The following TSFM variants were observed in gnomAD, a reference collection of about 807,000 sequenced individuals.
The protein encoded by TSFM is elongation factor Ts, mitochondrial.
Under a neutral mutation model 33.4 loss-of-function variants are expected in TSFM, and 29 were observed. The observed-to-expected ratio is 0.87, with a 90% CI of 0.65 to 1.18. The LOEUF (loss-of-function observed/expected upper bound fraction) is 1.18, where lower values mean the gene tolerates loss of function less well. TSFM is among the 50% of genes most tolerant of loss of function. The pLI is 0.00. For synonymous variants in TSFM, 178 were observed against 163.5 expected (o/e 1.09, Z -0.68); for missense variants, 394 against 395.6 (o/e 1.00, Z 0.04).
intron 5 of TSFM, among the ~76,000 whole-genome samples, chr12:57,794,291 CTT>C (rs1955701778): frequency 6.6e-6 from 1 of 152,140 alleles, no homozygotes; most frequent in African/African-American, 2.4e-5. Flanking sequence ...TTTTTCATGA[CTT>C]TTAGATATGA....
chr12:57,782,845 C>A lies in TSFM; in HGVS notation c.44C>A (p.Thr15Asn). The change falls in exon 1 of 6, where the codon ACC becomes AAC. Residue 15 changes from threonine to asparagine, a missense_variant. Transcript: ENST00000652027. ...CTGCGCGTGTTTCTGGTCGCGCGGA[C>A]CGGGAGCTACCCGGTGAGAAGTCCT... ...RSLRVFLVARTGSYPAGSLLR... is the reference protein window; with the variant it reads ...RSLRVFLVARNGSYPAGSLLR... The A allele has an allele frequency of 6.3e-7, 1 of 1,594,678 alleles. No individual in the cohort carries two copies. The highest frequency in any genetic ancestry group is 1.1e-5 in the South Asian group (1 of 87,828).
At chr12:57,788,819 G>A (rs1401962010) in intron 4 of TSFM, among the ~76,000 whole-genome samples, 2 of 151,926 alleles carry the variant, frequency 1.3e-5, no homozygotes, top group East Asian at 3.9e-4. Context: ...GTTTTTTGTA[G>A]AGACAGTCTT....
At chr12:57,792,426 A>T (rs1435877989) in intron 4 of TSFM, among the ~76,000 whole-genome samples, 1 of 152,146 alleles carries the variant, frequency 6.6e-6, no homozygotes, top group Non-Finnish European at 1.5e-5. Context: ...ATTTCTAGGA[A>T]ATTACATTCT....
At chr12:57,799,713 T>C, downstream of TSFM, 9 of 1,576,134 alleles carry the variant, frequency 5.7e-6, no homozygotes, top group South Asian at 5.6e-5. Context: ...GTGCCGGAGC[T>C]GTCCTAGGCC....
chr12:57,796,054 T>C, intron 5 of TSFM, 123 bp from the exon 6 acceptor site: 2 of 831,634 alleles, frequency 2.4e-6, no homozygotes, highest in Non-Finnish European at 3.7e-6. Flanking sequence ...TTCATCTTAC[T>C]GCATATCCTA....
At chr12:57,783,378 C>A in intron 2 of TSFM, 95 bp downstream of exon 2, 3 of 1,439,374 alleles carry the variant, frequency 2.1e-6, no homozygotes, top group South Asian at 1.2e-5. Flanking sequence ...GACTGCTCTT[C>A]AGTGACCATA....
At chr12:57,798,976 G>T (rs2140433644), downstream of TSFM, among the ~76,000 whole-genome samples, 1 of 152,274 alleles carries the variant, frequency 6.6e-6, no homozygotes, top group Middle Eastern at 3.4e-3. Context: ...AAGAATACTT[G>T]CTATCTGCTA....
Position 57,796,303 on chromosome 12 carries a change from A to C in TSFM, c.698A>C (p.Lys233Thr). Residue 233 changes from lysine to threonine, a missense_variant, in exon 6 of 6, where the codon AAG (lysine) becomes ACG (threonine). Transcript: ENST00000652027. ...TCACTTCACAAGCTGGTGCTGGGGA[A>C]GTATGGGGCCCTGGTCATCTGTGAG... ...SPSLHKLVLG[K>T]YGALVICETS... 6.2e-7 allele frequency: 1 copy of C among 1,612,310 alleles called. No individual in the cohort carries two copies. Among genetic ancestry groups the C allele is most frequent in the Non-Finnish European group, 8.5e-7 (1 of 1,179,130 alleles).
downstream of TSFM, among the ~76,000 whole-genome samples, chr12:57,801,783 G>C (rs1470204925): frequency 6.6e-6 from 1 of 152,034 alleles, no homozygotes; most frequent in Non-Finnish European, 1.5e-5. Context: ...AGGAAACCTG[G>C]CTTTCTGTTG....
At position 57,797,120 on chromosome 12, in the gene TSFM, C is replaced by A; in HGVS notation, c.*537C>A. On this transcript the variant is annotated 3_prime_UTR_variant, in exon 6 of 6. Transcript: ENST00000652027. Reference sequence around the variant, plus strand: ...CAGTGGTAGACACACTGGTTCTGGCCTCATTTAATGAAATTAATAACACAT... The same window carrying A: ...CAGTGGTAGACACACTGGTTCTGGCATCATTTAATGAAATTAATAACACAT... 1 of 985,410 alleles carries A rather than the reference C, an allele frequency of 1.0e-6. No individual in the cohort carries two copies. Among genetic ancestry groups the A allele is most frequent in the Non-Finnish European group, 1.2e-6 (1 of 829,942 alleles). 61.0% of individuals were successfully genotyped at this position (985,410 alleles called of 1,614,324 possible).
intron 2 of TSFM, chr12:57,784,122 G>A (rs1427745965): frequency 1.0e-5 from 7 of 702,378 alleles, no homozygotes; most frequent in Admixed American, 4.0e-5. Context: ...GCTACAAACC[G>A]TTACAAAATG....
At chr12:57,796,108 G>A in intron 5 of TSFM, 69 bp from the exon 6 acceptor site, 2 of 1,420,878 alleles carry the variant, frequency 1.4e-6, no homozygotes, top group Non-Finnish European at 1.9e-6. Flanking sequence ...CCTCTTCTGT[G>A]CATATTTTGG....
rs371407482 is a variant in TSFM at position 57,785,003 on chromosome 12, T to C, written c.232-1160T>C. 4.2e-3 allele frequency among the ~76,000 whole-genome samples: 555 copies of C among 132,848 alleles called. 16 individuals carry two copies. The South Asian group carries it at 0.077, about 18-fold the overall frequency. 87.2% of individuals were successfully genotyped at this position (132,848 alleles called of 152,430 possible). On this transcript the variant is annotated intron_variant, in intron 2 of 5. Transcript: ENST00000652027. Reference sequence around the variant, plus strand: ...CTGCAGTGGCACAATCTTGGCTCACTGCAAGCTCCACCTCCCAGGTTCACA... The same window carrying C: ...CTGCAGTGGCACAATCTTGGCTCACCGCAAGCTCCACCTCCCAGGTTCACA...
chr12:57,798,620 CTT>C (rs1337769787), downstream of TSFM, among the ~76,000 whole-genome samples: 13 of 140,582 alleles, frequency 9.2e-5, no homozygotes, highest in Admixed American at 1.4e-4. Flanking sequence ...CTTTTCTTTT[CTT>C]TTTTTTTTTT....
intron 2 of TSFM, among the ~76,000 whole-genome samples, chr12:57,785,746 C>T (rs889901392): frequency 5.9e-5 from 9 of 152,198 alleles, no homozygotes; most frequent in Non-Finnish European, 1.3e-4. Context: ...GCAGCACAGA[C>T]GTTTTCTTTA....
chr12:57,801,390 A>C, downstream of TSFM: 1 of 506,010 alleles, frequency 2.0e-6, no homozygotes. Flanking sequence ...AGGTGCTTAA[A>C]CATAACGCAC....
At chr12:57,790,216 C>T (rs1415333987) in intron 4 of TSFM, among the ~76,000 whole-genome samples, 7 of 151,896 alleles carry the variant, frequency 4.6e-5, no homozygotes, top group African/African-American at 7.3e-5. Context: ...ATTACAGGCA[C>T]GTGCCACCAT....
chr12:57,799,694 G>A, downstream of TSFM: 6 of 1,515,452 alleles, frequency 4.0e-6, no homozygotes, highest in Admixed American at 3.8e-5. Flanking sequence ...TCCATTGAGC[G>A]GCTACAATGT....
chr12:57,784,161 T>C, intron 2 of TSFM: 1 of 701,902 alleles, frequency 1.4e-6, no homozygotes, highest in Non-Finnish European at 2.6e-6. Flanking sequence ...TAGGCAGTTG[T>C]AACACAGTGG....
Sources: gnomAD v4.1 joint callset for allele counts (sites outside exome capture counted in the v4.1 genomes callset) on GRCh38, gnomAD v4.1.1 for gene constraint, MANE v1.5 for transcripts, NCBI Gene and HGNC (gene_info 2026-07-23, HGNC 2026-07-21) for gene names.